The following RPS6KC1 variants were observed in gnomAD, a reference collection of about 807,000 sequenced individuals.
The protein encoded by RPS6KC1 is inactive ribosomal protein S6 kinase delta-1.
Under a neutral mutation model 103.8 loss-of-function variants are expected in RPS6KC1, and 54 were observed. The observed-to-expected ratio is 0.52, with a 90% CI of 0.42 to 0.65. The LOEUF (loss-of-function observed/expected upper bound fraction) is 0.65, where lower values mean the gene tolerates loss of function less well. Among genes scored for constraint, RPS6KC1 ranks in the 30% least tolerant of loss-of-function variants. RPS6KC1 has a pLI of 0.00. For missense variants in RPS6KC1, 1,151 were observed against 1,253.8 expected, an observed-to-expected ratio of 0.92 and a Z score of 1.24; for synonymous variants, 439 against 438.7, an observed-to-expected ratio of 1.00 and a Z score of -0.01.
chr1:213,242,291 G>A lies in RPS6KC1; in HGVS notation c.2815G>A (p.Asp939Asn). The change falls in exon 11 of 15, where the codon GAT (aspartate) becomes AAT (asparagine). Residue 939 changes from aspartate (D) to asparagine (N), a missense_variant. Asp to Asn is a conservative substitution (Grantham distance 23, BLOSUM62 1). Coordinates refer to ENST00000366960, the MANE Select transcript of RPS6KC1 (RefSeq NM_012424.6). ...GAACCCAAACAACATCTTATTGAAT[G>A]ATAGAGGTCAGGAACTTTTGCAAAT... ...DLNPNNILLNDRGHIQLTYFS... is the reference protein window; with the variant it reads ...DLNPNNILLNNRGHIQLTYFS... The A allele has an allele frequency of 1.9e-6, 3 of 1,613,772 alleles. No homozygotes were observed. The highest frequency in any genetic ancestry group is 2.5e-6 in the Non-Finnish European group (3 of 1,179,824).
At chr1:213,514,923 A>G in the RPS6KC1 span, among the ~76,000 whole-genome samples, 1 of 152,182 alleles carries the variant, frequency 6.6e-6, no homozygotes, top group Admixed American at 6.5e-5. Context: ...TCGCCATTCT[A>G]ACTGGTGTGG....
chr1:213,843,785 AT>A, the RPS6KC1 span, among the ~76,000 whole-genome samples: 1 of 152,056 alleles, frequency 6.6e-6, no homozygotes, highest in African/African-American at 2.4e-5. Context: ...GAGAAAGATG[AT>A]TTTCTTTCCC....
chr1:213,346,284 ATAAT>A, the RPS6KC1 span, among the ~76,000 whole-genome samples: 1 of 152,198 alleles, frequency 6.6e-6, no homozygotes, highest in Admixed American at 6.5e-5. Flanking sequence ...AAAATTTTAA[ATAAT>A]TAACCCATAG....
the RPS6KC1 span, among the ~76,000 whole-genome samples, chr1:213,548,083 T>G: frequency 1.3e-5 from 2 of 152,208 alleles, no homozygotes; most frequent in Non-Finnish European, 2.9e-5. Flanking sequence ...ACTGCAGTTT[T>G]TGCAATTAAA....
the RPS6KC1 span, among the ~76,000 whole-genome samples, chr1:213,718,677 T>C: frequency 6.6e-6 from 1 of 152,248 alleles, no homozygotes; most frequent in Non-Finnish European, 1.5e-5. Context: ...GGTAACTGTC[T>C]TCTCCAGTCT....
chr1:213,272,827 A>G lies in RPS6KC1; in HGVS notation c.*193A>G, dbSNP rs115294298. ...TTACAAGATATTAGCTAATTGTGCCAGGGGCTGTTATATACATATATACAC... is the reference window on the plus strand; with the variant it reads ...TTACAAGATATTAGCTAATTGTGCCGGGGGCTGTTATATACATATATACAC... On this transcript the variant is annotated 3_prime_UTR_variant, in exon 15 of 15. Transcript: ENST00000366960. 3.7e-3 allele frequency: 1,848 copies of G among 494,790 alleles called. 34 individuals carry two copies. The highest frequency in any genetic ancestry group is 0.033 in the African/African-American group (1,681 of 51,380). 30.6% of individuals were successfully genotyped at this position (494,790 alleles called of 1,614,324 possible).
At chr1:213,176,648 C>G (rs1304533695) in intron 8 of RPS6KC1, 156 bp downstream of exon 8, 1 of 472,926 alleles carries the variant, frequency 2.1e-6, no homozygotes, top group African/African-American at 1.9e-5. Context: ...AGAGAAAAAG[C>G]TTTTATCTGA....
chr1:213,306,859 T>TA, the RPS6KC1 span, among the ~76,000 whole-genome samples: 1 of 152,136 alleles, frequency 6.6e-6, no homozygotes, highest in East Asian at 1.9e-4. Flanking sequence ...ACAGTATCAA[T>TA]ATCACTTAGC....
At chr1:213,316,245 T>C in the RPS6KC1 span, among the ~76,000 whole-genome samples, 7 of 152,244 alleles carry the variant, frequency 4.6e-5, no homozygotes, top group African/African-American at 1.4e-4. Flanking sequence ...CCTTCTGCCA[T>C]GATTGTAAGT....
At chr1:213,636,169 A>G in the RPS6KC1 span, among the ~76,000 whole-genome samples, 2 of 152,326 alleles carry the variant, frequency 1.3e-5, no homozygotes, top group South Asian at 2.1e-4. Flanking sequence ...GGAAGAATCA[A>G]TATTGTGAAA....
the RPS6KC1 span, among the ~76,000 whole-genome samples, chr1:213,728,730 G>C: frequency 6.6e-6 from 1 of 152,060 alleles, no homozygotes; most frequent in Non-Finnish European, 1.5e-5. Flanking sequence ...GGTGGGAGGA[G>C]GGGGGATGGC....
chr1:213,722,195 A>C, the RPS6KC1 span, among the ~76,000 whole-genome samples: 1 of 151,770 alleles, frequency 6.6e-6, no homozygotes, highest in South Asian at 2.1e-4. Flanking sequence ...AAAGACCAGA[A>C]CCCAGATCTC....
the RPS6KC1 span, among the ~76,000 whole-genome samples, chr1:213,407,166 G>C: frequency 2.6e-5 from 4 of 151,882 alleles, no homozygotes; most frequent in Admixed American, 6.6e-5. Flanking sequence ...TTTCTCACTG[G>C]ATTTGGGACT....
the RPS6KC1 span, among the ~76,000 whole-genome samples, chr1:213,322,911 CTTTTTTTTTTTTT>C: frequency 5.5e-5 from 2 of 36,606 alleles, no homozygotes; most frequent in Non-Finnish European, 9.5e-5. Flanking sequence ...CCATGCCCAG[CTTTTTTTTTTTTT>C]TTTTTTTTTT....
chr1:213,604,958 A>G, the RPS6KC1 span, among the ~76,000 whole-genome samples: 1 of 151,124 alleles, frequency 6.6e-6, no homozygotes, highest in African/African-American at 2.4e-5. Flanking sequence ...TAGTTCTCCA[A>G]CTCATCCTGT....
At chr1:213,284,247 TGGCCC>T in the RPS6KC1 span, among the ~76,000 whole-genome samples, 1 of 152,240 alleles carries the variant, frequency 6.6e-6, no homozygotes, top group Admixed American at 6.5e-5. Flanking sequence ...CTGGACACAC[TGGCCC>T]ATGCCTGTAA....
At chr1:213,533,370 T>C in the RPS6KC1 span, among the ~76,000 whole-genome samples, 3 of 152,212 alleles carry the variant, frequency 2.0e-5, no homozygotes, top group Non-Finnish European at 4.4e-5. Context: ...CAGGAGGTTC[T>C]GGCTTGATGG....
the RPS6KC1 span, among the ~76,000 whole-genome samples, chr1:213,810,339 C>T: frequency 1.3e-5 from 2 of 152,148 alleles, no homozygotes; most frequent in African/African-American, 4.8e-5. Context: ...TAGAAAAATA[C>T]ACCTTAGGTA....
At chr1:213,193,528 C>T (rs1440049834) in intron 8 of RPS6KC1, among the ~76,000 whole-genome samples, 1 of 151,992 alleles carries the variant, frequency 6.6e-6, no homozygotes, top group Non-Finnish European at 1.5e-5. Flanking sequence ...ACCCAAAGTG[C>T]TGGGCTTACA....
Sources: allele counts gnomAD v4.1 joint callset (sites outside exome capture counted in the v4.1 genomes callset), GRCh38; gene constraint gnomAD v4.1.1; transcripts MANE v1.5; gene names NCBI Gene and HGNC (gene_info 2026-07-23, HGNC 2026-07-21).